The following ADARB2 variants were observed in gnomAD, a reference collection of about 807,000 sequenced individuals.
ADARB2 encodes the protein adenosine deaminase RNA specific B2 (inactive).
A neutral mutation model predicts 62.2 loss-of-function variants in ADARB2; 25 were observed. The observed-to-expected ratio is 0.40, with a 90% CI of 0.29 to 0.56. The LOEUF (loss-of-function observed/expected upper bound fraction) is 0.56. Among genes scored for constraint, ADARB2 ranks in the 20% least tolerant of loss-of-function variants. ADARB2 has a pLI of 0.43. For missense variants in ADARB2, 1,071 were observed against 1,077.4 expected, an observed-to-expected ratio of 0.99 and a Z score of 0.08; for synonymous variants, 572 against 500.8, an observed-to-expected ratio of 1.14 and a Z score of -1.90.
At chr10:1,369,738 G>A (rs941420344) in intron 2 of ADARB2, among the ~76,000 whole-genome samples, 2 of 152,220 alleles carry the variant, frequency 1.3e-5, no homozygotes, top group East Asian at 3.8e-4. Context: ...TTCCGAGAGG[G>A]TGGGCATGGC....
At chr10:1,535,573 A>G (rs1388448382) in intron 1 of ADARB2, 5 of 167,284 alleles carry the variant, frequency 3.0e-5, no homozygotes, top group African/African-American at 9.7e-5. Context: ...CATCAAACTC[A>G]ACTCCCATTT....
At chr10:1,686,363 T>C (rs889132272) in intron 1 of ADARB2, among the ~76,000 whole-genome samples, 2 of 152,224 alleles carry the variant, frequency 1.3e-5, no homozygotes, top group Non-Finnish European at 2.9e-5. Flanking sequence ...GATCATGTGC[T>C]GGGAGAGTGA....
chr10:1,347,300 C>T (rs1194963439), intron 3 of ADARB2, among the ~76,000 whole-genome samples: 1 of 152,230 alleles, frequency 6.6e-6, no homozygotes, highest in African/African-American at 2.4e-5. Context: ...GTCTCCCCAG[C>T]CGGCGTCCCT....
At chr10:1,717,646 C>CA (rs1417194005) in intron 1 of ADARB2, among the ~76,000 whole-genome samples, 4 of 151,764 alleles carry the variant, frequency 2.6e-5, no homozygotes, top group African/African-American at 7.3e-5. Context: ...GGCATGATCT[C>CA]AGCCCACTGC....
intron 1 of ADARB2, among the ~76,000 whole-genome samples, chr10:1,428,489 A>AT (rs1554762306): frequency 2.6e-5 from 4 of 151,558 alleles, no homozygotes; most frequent in Non-Finnish European, 5.9e-5. Flanking sequence ...GAGTTTCACC[A>AT]TGTTAGCCAG....
intron 1 of ADARB2, among the ~76,000 whole-genome samples, chr10:1,382,306 G>A (rs920041181): frequency 3.3e-5 from 5 of 152,142 alleles, no homozygotes; most frequent in Admixed American, 2.6e-4. Flanking sequence ...TGAAGCAAAG[G>A]AAACAGAAGG....
At chr10:1,602,079 G>A (rs144529498) in intron 1 of ADARB2, among the ~76,000 whole-genome samples, 2 of 152,278 alleles carry the variant, frequency 1.3e-5, no homozygotes, top group East Asian at 3.9e-4. Context: ...GCAGGGACAG[G>A]CTCAGAGGGC....
intron 1 of ADARB2, among the ~76,000 whole-genome samples, chr10:1,621,326 A>G (rs1199542768): frequency 1.3e-5 from 2 of 152,204 alleles, no homozygotes; most frequent in African/African-American, 4.8e-5. Context: ...TATTACTAAC[A>G]ATCTGAAAAG....
intron 1 of ADARB2, among the ~76,000 whole-genome samples, chr10:1,567,484 C>G (rs983518114): frequency 4.6e-5 from 7 of 152,180 alleles, no homozygotes; most frequent in Non-Finnish European, 8.8e-5. Flanking sequence ...GGGACCCTCA[C>G]TGGCCACAAT....
intron 1 of ADARB2, among the ~76,000 whole-genome samples, chr10:1,712,279 C>T (rs1018084778): frequency 6.6e-6 from 1 of 152,134 alleles, no homozygotes; most frequent in African/African-American, 2.4e-5. Context: ...TTTATACAAC[C>T]TAGCCTAGCA....
At chr10:1,324,685 T>G (rs1831826859) in intron 3 of ADARB2, among the ~76,000 whole-genome samples, 1 of 152,108 alleles carries the variant, frequency 6.6e-6, no homozygotes. Flanking sequence ...ATATCAACAT[T>G]ATAGAAATGG....
intron 6 of ADARB2, among the ~76,000 whole-genome samples, chr10:1,218,975 A>C (rs1369446668): frequency 3.4e-5 from 5 of 147,412 alleles, no homozygotes; most frequent in Non-Finnish European, 7.4e-5. Flanking sequence ...GCCTGAACCC[A>C]GGAGGTGGAG....
chr10:1,662,565 T>A (rs1724611296), intron 1 of ADARB2, among the ~76,000 whole-genome samples: 1 of 152,226 alleles, frequency 6.6e-6, no homozygotes, highest in African/African-American at 2.4e-5. Flanking sequence ...TGCTGCTTAG[T>A]TTGTGGTAAT....
intron 3 of ADARB2, among the ~76,000 whole-genome samples, chr10:1,313,070 C>T (rs960622739): frequency 1.3e-5 from 2 of 152,196 alleles, no homozygotes; most frequent in Non-Finnish European, 2.9e-5. Flanking sequence ...CAGTTGGGGC[C>T]GTTCATCCAT....
intron 1 of ADARB2, among the ~76,000 whole-genome samples, chr10:1,509,034 A>G (rs1330893789): frequency 6.6e-6 from 1 of 152,162 alleles, no homozygotes; most frequent in African/African-American, 2.4e-5. Flanking sequence ...GAGTCTATGA[A>G]TAGATCCTAT....
At chr10:1,730,846 T>G (rs1166966356) in intron 1 of ADARB2, among the ~76,000 whole-genome samples, 1 of 152,226 alleles carries the variant, frequency 6.6e-6, no homozygotes, top group African/African-American at 2.4e-5. Flanking sequence ...CCAATATATA[T>G]GTATTTTATA....
chr10:1,417,360 G>A (rs1408748115), intron 1 of ADARB2, among the ~76,000 whole-genome samples: 1 of 152,040 alleles, frequency 6.6e-6, no homozygotes, highest in East Asian at 1.9e-4. Flanking sequence ...TCAGGAAGTC[G>A]GTCAGGGTAG....
intron 1 of ADARB2, among the ~76,000 whole-genome samples, chr10:1,547,698 T>A (rs1832545600): frequency 1.3e-5 from 1 of 79,442 alleles, no homozygotes. Flanking sequence ...GAGGCTGCAC[T>A]GGCGTATGCA....
At chr10:1,709,791 T>C (rs1342995619) in intron 1 of ADARB2, among the ~76,000 whole-genome samples, 1 of 152,220 alleles carries the variant, frequency 6.6e-6, no homozygotes, top group Non-Finnish European at 1.5e-5. Context: ...TCTCCTTCCC[T>C]TACCTCAACC....
Sources: gnomAD v4.1 joint callset for allele counts (sites outside exome capture counted in the v4.1 genomes callset) on GRCh38, gnomAD v4.1.1 for gene constraint, MANE v1.5 for transcripts, NCBI Gene and HGNC (gene_info 2026-07-23, HGNC 2026-07-21) for gene names.